The following SSBP3 variants were observed in gnomAD, a reference collection of about 807,000 sequenced individuals.
SSBP3 encodes single-stranded DNA-binding protein 3.
In SSBP3, 5 loss-of-function variants were observed where a neutral mutation model predicts 69.6. The ratio of observed to expected loss-of-function variants is 0.07; its 90% CI spans 0.04 to 0.15. SSBP3 has a LOEUF of 0.15. Ranked by LOEUF, SSBP3 falls within the 10% of genes least tolerant of loss-of-function variation. The pLI is 1.00. For synonymous variants in SSBP3, 196 were observed against 193.4 expected (o/e 1.01, Z -0.11); for missense variants, 312 against 534.0 (o/e 0.58, Z 4.10).
upstream of SSBP3, chr1:54,406,531 C>A (rs977462522): frequency 6.6e-6 from 1 of 152,104 alleles, no homozygotes; most frequent in Non-Finnish European, 1.5e-5. Flanking sequence ...GCCCTGACAG[C>A]GCCGGCCGCG....
intron 4 of SSBP3, 31 bp downstream of exon 4, chr1:54,401,829 AT>A (rs748485624): frequency 6.3e-7 from 1 of 1,584,534 alleles, no homozygotes; most frequent in East Asian, 2.2e-5. Context: ...CAACCCTATA[AT>A]TATTGCTAGG....
At chr1:54,359,845 C>G (rs1646924759) in intron 4 of SSBP3, among the ~76,000 whole-genome samples, 1 of 152,090 alleles carries the variant, frequency 6.6e-6, no homozygotes, top group African/African-American at 2.4e-5. Flanking sequence ...ACTGGCCTGA[C>G]AGGCTGAGGA....
chr1:54,249,512 T>C (rs1644790218), intron 9 of SSBP3, among the ~76,000 whole-genome samples: 1 of 151,968 alleles, frequency 6.6e-6, no homozygotes, highest in Admixed American at 6.6e-5. Context: ...CTGGGCAACA[T>C]GGCAAGACCC....
At chr1:54,307,441 C>T (rs1044799510) in intron 4 of SSBP3, among the ~76,000 whole-genome samples, 2 of 152,176 alleles carry the variant, frequency 1.3e-5, no homozygotes, top group African/African-American at 4.8e-5. Flanking sequence ...TCTACACTCC[C>T]TTACTATGCT....
chr1:54,309,179 T>C (rs1182729811), intron 4 of SSBP3, among the ~76,000 whole-genome samples: 2 of 152,204 alleles, frequency 1.3e-5, no homozygotes, highest in Non-Finnish European at 2.9e-5. Flanking sequence ...TCCCACATCT[T>C]ATTAACACCA....
At chr1:54,226,941 T>G in exon 18 of SSBP3, 2 of 619,498 alleles carry the variant, frequency 3.2e-6, no homozygotes. Flanking sequence ...AATAAAAAGT[T>G]TGGCCTTTTT....
chr1:54,282,524 C>T lies in SSBP3; in HGVS notation c.277-997G>A, dbSNP rs80124155. ...CTGGTATATCTGCCTCAACAAATGC[C>T]TCCCAGGGGTGAGCAGACATTGCTC... is the stretch of plus-strand genomic sequence containing the variant. On this transcript the variant is annotated intron_variant, in intron 4 of 17. Transcript: ENST00000610401. Among the ~76,000 whole-genome samples the T allele has an allele frequency of 7.2e-4, 109 of 152,360 alleles. No individual in the cohort carries two copies. The East Asian group carries it at 0.019, about 26-fold the overall frequency.
chr1:54,227,809 T>G (rs927975957), intron 17 of SSBP3, among the ~76,000 whole-genome samples: 1 of 152,194 alleles, frequency 6.6e-6, no homozygotes, highest in African/African-American at 2.4e-5. Flanking sequence ...CTGGGGTTCT[T>G]GAAAGCTGCT....
At chr1:54,272,861 C>CA (rs1206301962) in intron 5 of SSBP3, among the ~76,000 whole-genome samples, 2 of 152,230 alleles carry the variant, frequency 1.3e-5, no homozygotes, top group Admixed American at 6.5e-5. Context: ...CTTCCAGTAT[C>CA]AGATCCACAG....
intron 4 of SSBP3, among the ~76,000 whole-genome samples, chr1:54,305,585 T>G (rs950208812): frequency 6.7e-6 from 1 of 150,010 alleles, no homozygotes; most frequent in African/African-American, 2.5e-5. Flanking sequence ...CCAGGGAACT[T>G]GAGTTTGGAT....
At chr1:54,292,539 C>T (rs1251871642) in intron 4 of SSBP3, among the ~76,000 whole-genome samples, 2 of 152,088 alleles carry the variant, frequency 1.3e-5, no homozygotes, top group Non-Finnish European at 2.9e-5. Context: ...GTGTTGTGAG[C>T]GAGGCCCTGC....
intron 4 of SSBP3, among the ~76,000 whole-genome samples, chr1:54,312,839 T>C (rs1376075023): frequency 1.3e-5 from 2 of 152,100 alleles, no homozygotes; most frequent in African/African-American, 4.8e-5. Context: ...CTCTCCCCTC[T>C]GAGCTCCCCC....
chr1:54,375,570 G>A (rs954003854), intron 4 of SSBP3, among the ~76,000 whole-genome samples: 14 of 152,144 alleles, frequency 9.2e-5, no homozygotes, highest in Non-Finnish European at 2.1e-4. Context: ...GCTTCTTCAA[G>A]AGTGTCAAGT....
intron 9 of SSBP3, among the ~76,000 whole-genome samples, chr1:54,245,090 C>A (rs1212537646): frequency 6.6e-6 from 1 of 152,208 alleles, no homozygotes; most frequent in Non-Finnish European, 1.5e-5. Flanking sequence ...GCATGAAGAC[C>A]AAAGGGAGCC....
chr1:54,289,138 T>C (rs1400177995), intron 4 of SSBP3, among the ~76,000 whole-genome samples: 1 of 151,660 alleles, frequency 6.6e-6, no homozygotes, highest in Non-Finnish European at 1.5e-5. Flanking sequence ...TAGCCGGCAC[T>C]TCATTAAACA....
intron 4 of SSBP3, among the ~76,000 whole-genome samples, chr1:54,284,200 C>T (rs1359963419): frequency 2.8e-5 from 4 of 142,230 alleles, no homozygotes; most frequent in Non-Finnish European, 4.5e-5. Flanking sequence ...TCCCAAAGTG[C>T]TGGAATTACA....
chr1:54,353,054 G>C (rs574626630), intron 4 of SSBP3, among the ~76,000 whole-genome samples: 2 of 152,324 alleles, frequency 1.3e-5, no homozygotes, highest in African/African-American at 4.8e-5. Context: ...CGTGTCCTCA[G>C]ACCGTCATGC....
intron 4 of SSBP3, among the ~76,000 whole-genome samples, chr1:54,378,542 C>A (rs1455095808): frequency 6.6e-6 from 1 of 152,242 alleles, no homozygotes; most frequent in African/African-American, 2.4e-5. Context: ...GGGGCAGCAA[C>A]ACCCCCTCCA....
intron 9 of SSBP3, among the ~76,000 whole-genome samples, chr1:54,249,168 C>T (rs1490079568): frequency 2.0e-5 from 3 of 152,230 alleles, no homozygotes; most frequent in Non-Finnish European, 4.4e-5. Context: ...ACTGCCAGCA[C>T]ACCCTGCTGC....
Sources: gnomAD v4.1 joint callset for allele counts (sites outside exome capture counted in the v4.1 genomes callset) on GRCh38, gnomAD v4.1.1 for gene constraint, MANE v1.5 for transcripts, NCBI Gene and HGNC (gene_info 2026-07-23, HGNC 2026-07-21) for gene names.